Variants in RBM33 observed in about 807,000 individuals in gnomAD.
RBM33 encodes RNA-binding protein 33.
In RBM33, 28 loss-of-function variants were observed where a neutral mutation model predicts 132.6. That is an observed-to-expected ratio of 0.21 (90% CI 0.16 to 0.29). The LOEUF is 0.29. Among genes scored for constraint, RBM33 ranks in the 10% least tolerant of loss-of-function variants. RBM33 has a pLI of 1.00. For synonymous variants in RBM33, 634 were observed against 593.0 expected (o/e 1.07, Z -1.01); for missense variants, 1,291 against 1,518.5 (o/e 0.85, Z 2.49).
At chr7:155,675,837 T>C (rs910911775) in intron 3 of RBM33, among the ~76,000 whole-genome samples, 5 of 152,338 alleles carry the variant, frequency 3.3e-5, no homozygotes, top group Non-Finnish European at 7.4e-5. Context: ...GATCCACTTA[T>C]GTTCCTAGCA....
intron 5 of RBM33, among the ~76,000 whole-genome samples, chr7:155,683,795 A>C (rs1799400247): frequency 1.3e-5 from 2 of 152,172 alleles, no homozygotes; most frequent in Non-Finnish European, 2.9e-5. Flanking sequence ...CAGTTTATTT[A>C]AGGCCTTTAA....
intron 2 of RBM33, among the ~76,000 whole-genome samples, chr7:155,672,474 T>G (rs1798969053): frequency 6.6e-6 from 1 of 152,148 alleles, no homozygotes; most frequent in Non-Finnish European, 1.5e-5. Flanking sequence ...GTATCCAAGC[T>G]GGCCGGGCAT....
chr7:155,731,015 T>A (rs1407217202), intron 9 of RBM33, among the ~76,000 whole-genome samples: 1 of 148,048 alleles, frequency 6.8e-6, no homozygotes, highest in Non-Finnish European at 1.5e-5. Flanking sequence ...TTCTTCTAAT[T>A]CAGTAACTCT....
rs113942822 is a variant in RBM33 at position 155,752,444 on chromosome 7, G to A, written c.2979+6842G>A. ...TTTTGATTTCATTTTTTGAATTATTGTAGTTGATAGTTCTAAGAATTAAAC... is the reference window on the plus strand; with the variant it reads ...TTTTGATTTCATTTTTTGAATTATTATAGTTGATAGTTCTAAGAATTAAAC... On this transcript the variant is annotated intron_variant, in intron 14 of 17. Transcript: ENST00000401878. 4.1e-3 allele frequency among the ~76,000 whole-genome samples: 630 copies of A among 152,274 alleles called. 8 individuals are homozygous for A. The highest frequency in any genetic ancestry group is 0.015 in the African/African-American group (604 of 41,542).
chr7:155,740,531 A>G (rs918382391), intron 12 of RBM33, among the ~76,000 whole-genome samples: 1 of 152,262 alleles, frequency 6.6e-6, no homozygotes, highest in South Asian at 2.1e-4. Context: ...TTTTCCTTCA[A>G]GGAGCTTATA....
chr7:155,654,408 C>T (rs997208174), intron 1 of RBM33, among the ~76,000 whole-genome samples: 1 of 152,140 alleles, frequency 6.6e-6, no homozygotes, highest in Non-Finnish European at 1.5e-5. Context: ...CTTCTTGCTA[C>T]TAGATTACCT....
In RBM33 at chr7:155,679,507, A is replaced by T. The variant is rs76854045; in HGVS notation, c.248+823A>T. Among the ~76,000 whole-genome samples, 1,069 of 151,972 alleles carry T rather than the reference A, an allele frequency of 7.0e-3. 19 individuals are homozygous for T. The highest frequency in any genetic ancestry group is 0.024 in the African/African-American group (1,003 of 41,424). ...AGCTATATTAAAAGAGGAGAGACACACTGGTAGGTGGAATAATAGTTTTTA... is the reference window on the plus strand; with the variant it reads ...AGCTATATTAAAAGAGGAGAGACACTCTGGTAGGTGGAATAATAGTTTTTA... On this transcript the variant is annotated intron_variant, in intron 4 of 17. Coordinates refer to ENST00000401878, the MANE Select transcript of RBM33 (RefSeq NM_053043.3).
chr7:155,673,680 A>G (rs1372070519), intron 3 of RBM33, among the ~76,000 whole-genome samples: 1 of 130,442 alleles, frequency 7.7e-6, no homozygotes, highest in African/African-American at 3.5e-5. Context: ...ACACACGTGT[A>G]TATATATACA....
chr7:155,753,775 C>T (rs1801760004), intron 14 of RBM33, among the ~76,000 whole-genome samples: 1 of 152,160 alleles, frequency 6.6e-6, no homozygotes, highest in Non-Finnish European at 1.5e-5. Context: ...AGCGTGGAGG[C>T]GCGGGGCAGG....
chr7:155,755,585 C>T (rs1801822446), intron 14 of RBM33, among the ~76,000 whole-genome samples: 1 of 152,162 alleles, frequency 6.6e-6, no homozygotes, highest in Non-Finnish European at 1.5e-5. Context: ...AATAATGCTG[C>T]TTAGCGTCTG....
rs550565036 is a variant in RBM33 at position 155,746,029 on chromosome 7, A to T, written c.2979+427A>T. Among the ~76,000 whole-genome samples, 259 of 152,268 alleles carry T rather than the reference A, an allele frequency of 1.7e-3. 3 individuals are homozygous for T. Among genetic ancestry groups the T allele is most frequent in the Middle Eastern group, 3.4e-3 (1 of 294 alleles). ...AAATACAGTGTCATAACCTCATGGG[A>T]CCGCCTTTGCAGGTGTCGCCCATCT... is the stretch of plus-strand genomic sequence containing the variant. On this transcript the variant is annotated intron_variant, in intron 14 of 17. Transcript: ENST00000401878.
At chr7:155,727,066 G>C (rs1384130548) in intron 9 of RBM33, among the ~76,000 whole-genome samples, 1 of 152,218 alleles carries the variant, frequency 6.6e-6, no homozygotes, top group Non-Finnish European at 1.5e-5. Flanking sequence ...GCGTTTAACA[G>C]AAAACTTAGT....
At chr7:155,699,385 A>G (rs191420490) in intron 5 of RBM33, among the ~76,000 whole-genome samples, 1 of 152,262 alleles carries the variant, frequency 6.6e-6, no homozygotes, top group African/African-American at 2.4e-5. Context: ...ATTGAATTGG[A>G]GAAGTGCTGC....
intron 1 of RBM33, 138 bp from the exon 2 acceptor site, chr7:155,665,037 A>G: frequency 3.3e-6 from 2 of 611,732 alleles, no homozygotes; most frequent in African/African-American, 1.8e-5. Context: ...CTAAAGTAAA[A>G]TGATAGTTAC....
chr7:155,676,296 C>T (rs999473273), intron 3 of RBM33, among the ~76,000 whole-genome samples: 1 of 152,164 alleles, frequency 6.6e-6, no homozygotes. Context: ...CGTGACCAGG[C>T]TAGAGCTTTT....
intron 3 of RBM33, among the ~76,000 whole-genome samples, chr7:155,674,054 C>T (rs10257190): frequency 0.017 from 2,427 of 144,830 alleles, 59 homozygotes; most frequent in African/African-American, 0.058. Context: ...GTGATTACTG[C>T]ATCATTAGCC....
At chr7:155,684,196 G>T (rs1319918388) in intron 5 of RBM33, among the ~76,000 whole-genome samples, 1 of 152,140 alleles carries the variant, frequency 6.6e-6, no homozygotes, top group Non-Finnish European at 1.5e-5. Context: ...ATTTCTGTAG[G>T]TTGTTCACTC....
rs1190018492 is a variant in RBM33, at chr7:155,685,665, A to G, written c.567+4757A>G. Among the ~76,000 whole-genome samples, 4 of 152,170 alleles carry G rather than the reference A, an allele frequency of 2.6e-5. No homozygotes were observed. In the East Asian group the frequency reaches 7.7e-4, roughly 29 times the overall value. On this transcript the variant is annotated intron_variant, in intron 5 of 17. Transcript: ENST00000401878. The stretch of plus-strand genomic sequence containing the variant: ...AACTCTGAGGTAGGTCTTGAAAGAT[A>G]GATTGCATTTGTACTGAGAAAGGTG...
chr7:155,658,986 G>T (rs920313074), intron 1 of RBM33, among the ~76,000 whole-genome samples: 4 of 152,124 alleles, frequency 2.6e-5, no homozygotes, highest in African/African-American at 7.2e-5. Context: ...CTACCAGGTC[G>T]CTGGTTGATT....
Sources: gnomAD v4.1 joint callset for allele counts (sites outside exome capture counted in the v4.1 genomes callset) on GRCh38, gnomAD v4.1.1 for gene constraint, MANE v1.5 for transcripts, NCBI Gene and HGNC (gene_info 2026-07-23, HGNC 2026-07-21) for gene names.